The following PCDHGA5 variants were observed in gnomAD, a reference collection of about 807,000 sequenced individuals.
PCDHGA5 encodes protocadherin gamma subfamily A, 5, also known as protocadherin gamma-A5.
In PCDHGA5, 36 loss-of-function variants were observed where a neutral mutation model predicts 56.7. The observed-to-expected ratio is 0.64, with a 90% CI of 0.49 to 0.84. The LOEUF is 0.84. PCDHGA5 is among the 40% of genes least tolerant of loss of function. The probability of loss-of-function intolerance (pLI) is 0.00; values close to 1 mark genes in which losing one functional copy is unlikely to be tolerated. For synonymous variants in PCDHGA5, 563 were observed against 520.2 expected (o/e 1.08, Z -1.12); for missense variants, 1,305 against 1,201.5 (o/e 1.09, Z -1.27).
chr5:141,491,823 C>T lies in PCDHGA5; in HGVS notation c.2422-2984C>T, dbSNP rs1242708273. On this transcript the variant is annotated intron_variant, in intron 1 of 3. Transcript: ENST00000518069. The surrounding 1 kb of genome is among the most constrained non-coding windows in gnomAD (Gnocchi z 6.9). ...GCCGGCTTGGTCGCTGGCTGCGCTC[C>T]ACCCGATTCTCGGGATCATTGGACC... The T allele has an allele frequency of 2.7e-6, 4 of 1,479,038 alleles. No homozygotes were observed. Among genetic ancestry groups the T allele is most frequent in the Non-Finnish European group, 3.6e-6 (4 of 1,115,300 alleles). 91.6% of individuals were successfully genotyped at this position (1,479,038 alleles called of 1,614,324 possible).
rs1318302569 is a variant in PCDHGA5 at position 141,364,959 on chromosome 5, T to A, written c.629T>A (p.Leu210His). The change falls in exon 1 of 4, where the codon CTC (leucine) becomes CAC (histidine). Residue 210 changes from leucine (L) to histidine (H), a missense_variant. Leu to His is a moderately conservative substitution (Grantham distance 99). Transcript: ENST00000518069. ...CGCGAGAAAGAGACTGTTCACGACC[T>A]CCTCCTCACAGCTTTAGATGGCGGA... ...LDREKETVHD[L>H]LLTALDGGDP... The A allele has an allele frequency of 6.2e-7, 1 of 1,613,876 alleles. No homozygotes were observed. Among genetic ancestry groups the A allele is most frequent in the Non-Finnish European group, 8.5e-7 (1 of 1,179,880 alleles).
rs779210025 is a variant in PCDHGA5, at chr5:141,364,907, G to A, written c.577G>A (p.Glu193Lys). 37 of 1,613,968 alleles carry A rather than the reference G, an allele frequency of 2.3e-5. No individual in the cohort carries two copies. The highest frequency in any genetic ancestry group is 3.1e-5 in the Non-Finnish European group (37 of 1,179,898). The change falls in exon 1 of 4, where the codon GAG (glutamate) becomes AAG (lysine). Residue 193 changes from glutamate to lysine, a missense_variant. Physicochemically the swap from Glu to Lys is moderately conservative, Grantham distance 56 (BLOSUM62 1). Coordinates refer to ENST00000518069, the MANE Select transcript of PCDHGA5 (RefSeq NM_018918.3). ...VSGTDGQKYP[E>K]LVLEQPLDRE... ...CGGAACTGATGGACAAAAGTATCCGGAGCTGGTGTTGGAACAGCCCCTAGA... is the reference window on the plus strand; with the variant it reads ...CGGAACTGATGGACAAAAGTATCCGAAGCTGGTGTTGGAACAGCCCCTAGA...
At chr5:141,408,051 C>A in intron 1 of PCDHGA5, 3 of 1,264,368 alleles carry the variant, frequency 2.4e-6, no homozygotes, top group Non-Finnish European at 3.2e-6. Context: ...CCACACAGAG[C>A]CTCCCGGCTG....
chr5:141,494,894 C>A, intron 2 of PCDHGA5, 29 bp downstream of exon 2: 1 of 1,614,116 alleles, frequency 6.2e-7, no homozygotes, highest in South Asian at 1.1e-5. Flanking sequence ...AGCCCACCCT[C>A]TTCTCTGCGG....
chr5:141,480,607 C>T (rs2099522175), intron 1 of PCDHGA5, among the ~76,000 whole-genome samples: 1 of 145,670 alleles, frequency 6.9e-6, no homozygotes, highest in Admixed American at 6.8e-5. Context: ...GCCTGGAAAG[C>T]AACTGGCATT....
intron 1 of PCDHGA5, chr5:141,388,571 C>G: frequency 9.3e-6 from 15 of 1,613,830 alleles, no homozygotes; most frequent in Non-Finnish European, 1.2e-5. Flanking sequence ...CACAGATACA[C>G]GTTCTAGTGA....
At chr5:141,501,326 CACACA>C (rs2099807944) in intron 2 of PCDHGA5, among the ~76,000 whole-genome samples, 1 of 151,784 alleles carries the variant, frequency 6.6e-6, no homozygotes, top group Non-Finnish European at 1.5e-5. Flanking sequence ...CACACACACA[CACACA>C]CACCCCAAAC....
chr5:141,423,438 C>T lies in PCDHGA5; in HGVS notation c.2421+56687C>T, dbSNP rs2096741369. 5 of 1,613,942 alleles carry T rather than the reference C, an allele frequency of 3.1e-6. No homozygotes were observed. In the East Asian group the frequency reaches 8.9e-5, roughly 29 times the overall value. On this transcript the variant is annotated intron_variant, in intron 1 of 3. Transcript: ENST00000518069. Reference sequence around the variant, plus strand: ...CTGAAGGCGGGTTGGCAGGTATGCCCACGTCACATTTTGTAGGCGTGGACG... The same window carrying T: ...CTGAAGGCGGGTTGGCAGGTATGCCTACGTCACATTTTGTAGGCGTGGACG...
chr5:141,483,432 ACT>A (rs2099581241), intron 1 of PCDHGA5, among the ~76,000 whole-genome samples: 1 of 152,200 alleles, frequency 6.6e-6, no homozygotes, highest in African/African-American at 2.4e-5. Flanking sequence ...GAGGGAGCTG[ACT>A]ACAATAAAAT....
At position 141,372,595 on chromosome 5, in the gene PCDHGA5, A is replaced by G; in HGVS notation, c.2421+5844A>G. The G allele has an allele frequency of 6.2e-7, 1 of 1,614,012 alleles. No individual in the cohort carries two copies. Among genetic ancestry groups the G allele is most frequent in the Non-Finnish European group, 8.5e-7 (1 of 1,179,882 alleles). On this transcript the variant is annotated intron_variant, in intron 1 of 3. Coordinates refer to ENST00000518069, the MANE Select transcript of PCDHGA5 (RefSeq NM_018918.3). ...TACTTTCAGCCTGGTGTCTGCTTCA[A>G]GACTGTACCTGGAGTTCTCCCCACC... is the stretch of plus-strand genomic sequence containing the variant.
intron 1 of PCDHGA5, among the ~76,000 whole-genome samples, chr5:141,438,629 TATATATAC>T (rs1474630940): frequency 0.043 from 2,039 of 47,824 alleles, 19 homozygotes; most frequent in South Asian, 0.061. Flanking sequence ...TATATATATA[TATATATAC>T]ACACACACAC....
In PCDHGA5 at chr5:141,491,354, C is replaced by T. The variant is rs2099710960; in HGVS notation, c.2422-3453C>T. The T allele has an allele frequency of 6.2e-7, 1 of 1,614,166 alleles. No homozygotes were observed. Among genetic ancestry groups the T allele is most frequent in the South Asian group, 1.1e-5 (1 of 91,088 alleles). On this transcript the variant is annotated intron_variant, in intron 1 of 3. Coordinates refer to ENST00000518069, the MANE Select transcript of PCDHGA5 (RefSeq NM_018918.3). This position sits in a 1 kb window ranked among gnomAD's most constrained non-coding sequence, Gnocchi z 6.9. ...GCTCTAGCGACCGTCAGTCTCTTAT[C>T]CCTAGTCACCTTCACCTTTCTGTCA...
At chr5:141,420,291 G>A in intron 1 of PCDHGA5, 1 of 1,494,346 alleles carries the variant, frequency 6.7e-7, no homozygotes, top group Non-Finnish European at 9.0e-7. Context: ...ATTTAAAAAT[G>A]TATTTAATCC....
intron 1 of PCDHGA5, chr5:141,395,295 T>G: frequency 1.3e-6 from 2 of 1,525,988 alleles, no homozygotes; most frequent in Middle Eastern, 1.8e-4. Flanking sequence ...TGGCATAAAT[T>G]ATGTTTTGAA....
Position 141,485,495 on chromosome 5 carries a change from T to C in PCDHGA5, c.2422-9312T>C. 1 of 1,613,494 alleles carries C rather than the reference T, an allele frequency of 6.2e-7. No homozygotes were observed. Among genetic ancestry groups the C allele is most frequent in the African/African-American group, 1.3e-5 (1 of 74,780 alleles). On this transcript the variant is annotated intron_variant, in intron 1 of 3. Coordinates refer to ENST00000518069, the MANE Select transcript of PCDHGA5 (RefSeq NM_018918.3). This position sits in a 1 kb window ranked among gnomAD's most constrained non-coding sequence, Gnocchi z 5.7. ...TGCCAGCTGCATCGTGCCCCTGGAG[T>C]TTGTCACCGAAGGTCCTTTGGAAAT...
intron 1 of PCDHGA5, chr5:141,422,094 T>C: frequency 1.2e-6 from 2 of 1,610,648 alleles, no homozygotes; most frequent in Non-Finnish European, 1.7e-6. Flanking sequence ...AAAGCAAGGC[T>C]TCTGAAATAT....
chr5:141,441,195 A>C (rs1160365905), intron 1 of PCDHGA5: 1 of 152,224 alleles, frequency 6.6e-6, no homozygotes, highest in Non-Finnish European at 1.5e-5. Context: ...TGATTCCCAA[A>C]GATTCTGCAC....
chr5:141,371,348 G>T (rs1767688523), intron 1 of PCDHGA5: 4 of 1,613,932 alleles, frequency 2.5e-6, no homozygotes, highest in Middle Eastern at 3.3e-4. Flanking sequence ...ACACAATTGG[G>T]GTGGAAGCAA....
chr5:141,406,532 G>A (rs58503510), intron 1 of PCDHGA5, among the ~76,000 whole-genome samples: 16,962 of 152,088 alleles, frequency 0.11, 1,106 homozygotes, highest in African/African-American at 0.18. Context: ...ATTTTCTGAC[G>A]AAGATTCAAA....
Sources: gnomAD v4.1 joint callset for allele counts (sites outside exome capture counted in the v4.1 genomes callset) on GRCh38, gnomAD v4.1.1 for gene constraint, Gnocchi (gnomAD v3.1) non-coding constraint, MANE v1.5 for transcripts, NCBI Gene and HGNC (gene_info 2026-07-23, HGNC 2026-07-21) for gene names.